SRD5A2: variants seen among roughly 807,000 people sequenced by gnomAD.
The protein encoded by SRD5A2 is 3-oxo-5-alpha-steroid 4-dehydrogenase 2.
Under a neutral mutation model 27.4 loss-of-function variants are expected in SRD5A2, and 30 were observed. That is an observed-to-expected ratio of 1.10 (90% CI 0.82 to 1.49). The LOEUF is 1.49. Among genes scored for constraint, SRD5A2 ranks in the 40% most tolerant of loss-of-function variants. The pLI, the probability that SRD5A2 is intolerant of heterozygous loss-of-function variation, is 0.00. For synonymous variants in SRD5A2, 141 were observed against 133.6 expected (o/e 1.06, Z -0.38); for missense variants, 348 against 323.4 (o/e 1.08, Z -0.58).
intron 1 of SRD5A2, among the ~76,000 whole-genome samples, chr2:31,546,666 C>G (rs564068325): frequency 1.6e-4 from 24 of 152,220 alleles, no homozygotes; most frequent in African/African-American, 5.3e-4. Flanking sequence ...GGGCTAAGGG[C>G]TGAAAAACTA....
intron 1 of SRD5A2, among the ~76,000 whole-genome samples, chr2:31,538,517 A>T (rs1666070036): frequency 6.6e-6 from 1 of 152,146 alleles, no homozygotes; most frequent in Non-Finnish European, 1.5e-5. Context: ...TCTATTCTCC[A>T]TATAGCAGAC....
At chr2:31,647,011 G>A in the SRD5A2 span, among the ~76,000 whole-genome samples, 1 of 152,100 alleles carries the variant, frequency 6.6e-6, no homozygotes, top group African/African-American at 2.4e-5. Flanking sequence ...GAGACGTCAT[G>A]GTGGGCGCCT....
chr2:31,538,829 T>C (rs1481655708), intron 1 of SRD5A2, among the ~76,000 whole-genome samples: 2 of 152,238 alleles, frequency 1.3e-5, no homozygotes, highest in Admixed American at 1.3e-4. Context: ...CTACTTTCTG[T>C]GTTTATTGTC....
At chr2:31,618,862 G>C in the SRD5A2 span, among the ~76,000 whole-genome samples, 5 of 152,024 alleles carry the variant, frequency 3.3e-5, no homozygotes, top group Admixed American at 6.6e-5. Context: ...ATAAATATGT[G>C]AGTTCATGGA....
chr2:31,607,931 G>A, the SRD5A2 span, among the ~76,000 whole-genome samples: 1 of 151,826 alleles, frequency 6.6e-6, no homozygotes, highest in Non-Finnish European at 1.5e-5. Context: ...CTTGTAAGAA[G>A]ACAATGATCT....
chr2:31,593,716 C>T, the SRD5A2 span, among the ~76,000 whole-genome samples: 1 of 152,002 alleles, frequency 6.6e-6, no homozygotes, highest in African/African-American at 2.4e-5. Flanking sequence ...AAATTCATCG[C>T]AAAAAGATAA....
In SRD5A2 at chr2:31,559,123, C is replaced by T. The variant is rs72867508; in HGVS notation, c.281+21497G>A. On this transcript the variant is annotated intron_variant, in intron 1 of 4. Transcript: ENST00000622030. ...CTACCCTGACACCAGATGCCAGTGGCGTGGCTTTTTGGCTTCCATCAGCTT... is the reference window on the plus strand; with the variant it reads ...CTACCCTGACACCAGATGCCAGTGGTGTGGCTTTTTGGCTTCCATCAGCTT... Among the ~76,000 whole-genome samples, 800 of 152,274 alleles carry T rather than the reference C, an allele frequency of 5.3e-3. 5 individuals are homozygous for T. Among genetic ancestry groups the T allele is most frequent in the African/African-American group, 0.018 (745 of 41,564 alleles).
intron 4 of SRD5A2, among the ~76,000 whole-genome samples, chr2:31,528,351 T>C (rs28383074): frequency 1.8e-3 from 274 of 152,358 alleles, no homozygotes; most frequent in African/African-American, 6.3e-3. Context: ...ATAATCCTTC[T>C]GGAGTTCCAG....
intron 1 of SRD5A2, among the ~76,000 whole-genome samples, chr2:31,550,795 T>C (rs992256997): frequency 2.6e-5 from 4 of 152,032 alleles, no homozygotes; most frequent in African/African-American, 7.2e-5. Flanking sequence ...AGTAACTGAA[T>C]GTTTTTTCCT....
chr2:31,648,862 A>C, the SRD5A2 span, among the ~76,000 whole-genome samples: 61 of 152,280 alleles, frequency 4.0e-4, no homozygotes, highest in Admixed American at 1.1e-3. Flanking sequence ...AGCCTTTCTA[A>C]ACAAGTATTG....
the SRD5A2 span, among the ~76,000 whole-genome samples, chr2:31,641,712 G>C: frequency 6.6e-6 from 1 of 152,034 alleles, no homozygotes; most frequent in Non-Finnish European, 1.5e-5. Context: ...AAAGAGAAAA[G>C]CTATATATAA....
At chr2:31,528,019 G>A (rs181020382) in intron 4 of SRD5A2, among the ~76,000 whole-genome samples, 13 of 152,334 alleles carry the variant, frequency 8.5e-5, no homozygotes, top group South Asian at 2.1e-4. Flanking sequence ...CACTTGGCAA[G>A]TTAAAGCCTG....
chr2:31,580,630 A>C lies in SRD5A2; in HGVS notation c.271T>G (p.Tyr91Asp), dbSNP rs201175894. ...AGGGAAAAACGCTACCTGTGGAAGTAATGTAGGCAGAAGAGGCCCAGAAGT... is the reference window on the plus strand; with the variant it reads ...AGGGAAAAACGCTACCTGTGGAAGTCATGTAGGCAGAAGAGGCCCAGAAGT... Reference protein sequence around the residue: ...TVLLGLFCLHYFHRTFVYSLL... With the variant: ...TVLLGLFCLHDFHRTFVYSLL... The change falls in exon 1 of 5, where the codon TAC (tyrosine) becomes GAC (aspartate). Residue 91 changes from tyrosine to aspartate, a missense_variant. Physicochemically the swap from Tyr to Asp is radical, Grantham distance 160 (BLOSUM62 -3). Transcript: ENST00000622030. 57 of 1,569,840 alleles carry C rather than the reference A, an allele frequency of 3.6e-5. No homozygotes were observed. The highest frequency in any genetic ancestry group is 4.3e-6 in the Non-Finnish European group (5 of 1,164,110).
At chr2:31,645,946 G>A in the SRD5A2 span, among the ~76,000 whole-genome samples, 1 of 152,158 alleles carries the variant, frequency 6.6e-6, no homozygotes, top group South Asian at 2.1e-4. Flanking sequence ...TGCATAATGG[G>A]ACTCCATCTT....
intron 1 of SRD5A2, among the ~76,000 whole-genome samples, chr2:31,576,129 A>C (rs879736767): frequency 1.4e-5 from 2 of 141,322 alleles, no homozygotes; most frequent in African/African-American, 2.7e-5. Context: ...TGGCAACAAA[A>C]GCCAAAATTG....
chr2:31,653,203 GAC>G, the SRD5A2 span, among the ~76,000 whole-genome samples: 1 of 152,056 alleles, frequency 6.6e-6, no homozygotes, highest in Non-Finnish European at 1.5e-5. Flanking sequence ...CCTCTTGTAA[GAC>G]CAGAGACACC....
intron 1 of SRD5A2, among the ~76,000 whole-genome samples, chr2:31,550,182 C>A (rs1419851684): frequency 6.7e-6 from 1 of 148,698 alleles, no homozygotes; most frequent in Non-Finnish European, 1.5e-5. Context: ...TTAAAAACTA[C>A]ATTCATCTTT....
rs761623469 is a variant in SRD5A2 at position 31,580,788 on chromosome 2, T to G, written c.113A>C (p.Glu38Ala). The G allele has an allele frequency of 6.2e-7, 1 of 1,612,136 alleles. No individual in the cohort carries two copies. Among genetic ancestry groups the G allele is most frequent in the South Asian group, 1.1e-5 (1 of 91,064 alleles). The stretch of plus-strand genomic sequence containing the variant: ...GCGGGTAGCCGCCGGCTTCAGGCTC[T>G]CCGTGTGCTTCCCGTAGCCGGAGGG... ...AKPSGYGKHTESLKPAATRLP... is the reference protein window; with the variant it reads ...AKPSGYGKHTASLKPAATRLP... The change falls in exon 1 of 5, where the codon GAG becomes GCG. Residue 38 changes from glutamate (E) to alanine (A), a missense_variant. Coordinates refer to ENST00000622030, the MANE Select transcript of SRD5A2 (RefSeq NM_000348.4).
intron 1 of SRD5A2, among the ~76,000 whole-genome samples, chr2:31,559,885 C>G (rs1443506101): frequency 6.7e-6 from 1 of 150,048 alleles, no homozygotes; most frequent in Non-Finnish European, 1.5e-5. Flanking sequence ...CACACAAAGC[C>G]ATACAACACA....
Sources: allele counts gnomAD v4.1 joint callset (sites outside exome capture counted in the v4.1 genomes callset), GRCh38; gene constraint gnomAD v4.1.1; transcripts MANE v1.5; gene names NCBI Gene and HGNC (gene_info 2026-07-23, HGNC 2026-07-21).